ADGRL3: variants seen among roughly 807,000 people sequenced by gnomAD.
ADGRL3 encodes adhesion G protein-coupled receptor L3, also known as calcium-independent alpha-latrotoxin receptor 3.
ADGRL3 carries 62 observed loss-of-function variants against 153.5 expected under a neutral mutation model. That is an observed-to-expected ratio of 0.40 (90% CI 0.33 to 0.50). The LOEUF is 0.50. Ranked by LOEUF, ADGRL3 falls within the 20% of genes least tolerant of loss-of-function variation. ADGRL3 has a pLI of 0.47. For synonymous variants in ADGRL3, 710 were observed against 672.5 expected, an observed-to-expected ratio of 1.06 and a Z score of -0.86; for missense variants, 1,641 against 1,859.4, an observed-to-expected ratio of 0.88 and a Z score of 2.16.
chr4:61,319,531 C>T (rs538185035), intron 1 of ADGRL3, among the ~76,000 whole-genome samples: 21 of 152,214 alleles, frequency 1.4e-4, no homozygotes, highest in Non-Finnish European at 2.4e-4. Flanking sequence ...TCATGTGTTG[C>T]AGTTGATGAG....
intron 25 of ADGRL3, among the ~76,000 whole-genome samples, chr4:62,046,854 C>G (rs1283893547): frequency 6.6e-6 from 1 of 151,824 alleles, no homozygotes; most frequent in African/African-American, 2.4e-5. Flanking sequence ...GATGAGTGGA[C>G]TACTTGAAAT....
chr4:61,749,233 G>A (rs1176045450), intron 8 of ADGRL3, among the ~76,000 whole-genome samples: 1 of 151,848 alleles, frequency 6.6e-6, no homozygotes, highest in Non-Finnish European at 1.5e-5. Flanking sequence ...AGGATGTGGA[G>A]AAATAGGAAC....
At chr4:61,775,900 TTTATTTATTTA>T (rs2097142827) in intron 8 of ADGRL3, 5 of 252,434 alleles carry the variant, frequency 2.0e-5, no homozygotes, top group Middle Eastern at 1.4e-3. Flanking sequence ...TATTTATTTA[TTTATTTATTTA>T]TTTTTTTGAG....
At chr4:61,851,168 A>T (rs570684724) in intron 9 of ADGRL3, among the ~76,000 whole-genome samples, 4 of 152,252 alleles carry the variant, frequency 2.6e-5, no homozygotes, top group African/African-American at 9.6e-5. Flanking sequence ...AAATATACTG[A>T]TATATCTGAA....
intron 2 of ADGRL3, among the ~76,000 whole-genome samples, chr4:61,461,004 A>C (rs1237291567): frequency 2.0e-5 from 3 of 152,186 alleles, no homozygotes; most frequent in African/African-American, 7.2e-5. Flanking sequence ...TGGGAGGCAG[A>C]GGTTTCAGTG....
chr4:61,945,941 C>T (rs150038464), intron 15 of ADGRL3, among the ~76,000 whole-genome samples: 14 of 152,252 alleles, frequency 9.2e-5, no homozygotes, highest in South Asian at 6.2e-4. Context: ...TGTTCCTATT[C>T]GGCCATCTTG....
At chr4:61,705,451 ATATT>A (rs2095841176) in intron 6 of ADGRL3, among the ~76,000 whole-genome samples, 1 of 148,626 alleles carries the variant, frequency 6.7e-6, no homozygotes, top group Non-Finnish European at 1.5e-5. Flanking sequence ...TGTTACATAT[ATATT>A]TATATATAAG....
intron 1 of ADGRL3, among the ~76,000 whole-genome samples, chr4:61,345,880 T>C (rs937197679): frequency 3.3e-5 from 5 of 152,168 alleles, no homozygotes; most frequent in Admixed American, 2.6e-4. Flanking sequence ...TTGTAGATTT[T>C]TGTCATCTCA....
At chr4:61,233,309 T>A (rs760966679) in intron 1 of ADGRL3, among the ~76,000 whole-genome samples, 1 of 152,210 alleles carries the variant, frequency 6.6e-6, no homozygotes, top group African/African-American at 2.4e-5. Flanking sequence ...CTTTTCTTTT[T>A]TTAAATCTTT....
At chr4:61,344,360 A>G (rs921435612) in intron 1 of ADGRL3, among the ~76,000 whole-genome samples, 3 of 152,162 alleles carry the variant, frequency 2.0e-5, no homozygotes, top group Non-Finnish European at 2.9e-5. Context: ...AGTTAAACAG[A>G]TGCACGCAAG....
intron 8 of ADGRL3, among the ~76,000 whole-genome samples, chr4:61,793,422 AAAAC>A (rs940301583): frequency 2.1e-4 from 32 of 152,196 alleles, no homozygotes; most frequent in East Asian, 7.7e-4. Context: ...GACTCCATCA[AAAAC>A]AAACAAACAA....
intron 25 of ADGRL3, among the ~76,000 whole-genome samples, chr4:62,058,576 T>G (rs1738326250): frequency 6.6e-6 from 1 of 152,058 alleles, no homozygotes; most frequent in African/African-American, 2.4e-5. Context: ...CCAGGAAAAA[T>G]TAGCACATGA....
intron 19 of ADGRL3, among the ~76,000 whole-genome samples, chr4:61,990,537 G>A (rs1425671638): frequency 1.3e-5 from 2 of 151,864 alleles, no homozygotes; most frequent in Non-Finnish European, 2.9e-5. Flanking sequence ...GTTATACTCT[G>A]TTAAATAAAT....
At chr4:61,379,693 T>G (rs987480698) in intron 1 of ADGRL3, among the ~76,000 whole-genome samples, 1 of 152,048 alleles carries the variant, frequency 6.6e-6, no homozygotes, top group Non-Finnish European at 1.5e-5. Flanking sequence ...TAATGTCACT[T>G]GGACTGAAAA....
At chr4:61,494,043 C>T (rs1323982829) in intron 2 of ADGRL3, among the ~76,000 whole-genome samples, 1 of 147,560 alleles carries the variant, frequency 6.8e-6, no homozygotes, top group Non-Finnish European at 1.5e-5. Flanking sequence ...AAGGTTAATT[C>T]TTCTCTATCT....
chr4:61,577,017 A>G (rs2098889276), intron 4 of ADGRL3, among the ~76,000 whole-genome samples: 1 of 152,020 alleles, frequency 6.6e-6, no homozygotes, highest in Non-Finnish European at 1.5e-5. Context: ...AAGTTATTAC[A>G]AGGTCTCTGT....
At position 61,676,732 on chromosome 4, in the gene ADGRL3, G is replaced by C. The variant is rs941155213; in HGVS notation, c.474-94G>C. On this transcript the variant is annotated intron_variant, in intron 5 of 26. Coordinates refer to ENST00000683033, the MANE Select transcript of ADGRL3 (RefSeq NM_001387552.1). ...ATTAAGCAAAACCTTATTCAAATCT[G>C]TATAACAGGAACTAAAATAAAATTA... 1.6e-5 allele frequency: 14 copies of C among 886,322 alleles called. No homozygotes were observed. In the Admixed American group the frequency reaches 1.6e-4, roughly 10 times the overall value. 54.9% of individuals were successfully genotyped at this position (886,322 alleles called of 1,614,324 possible).
Position 61,983,508 on chromosome 4 carries a change from T to C in ADGRL3, c.3141T>C (p.Arg1047=), listed in dbSNP as rs370306781. 3.3e-5 allele frequency: 54 copies of C among 1,613,848 alleles called. No homozygotes were observed. The African/African-American group carries it at 3.7e-4, about 11-fold the overall frequency. The part of the protein sequence containing the change: ...LVEVFESEHS[R]RKYFYLVGYG... ...AGGTTTTTGAGAGTGAACATTCACG[T>C]AGGAAATACTTTTATCTGGTCGGCT... The change falls in exon 19 of 27, where the codon CGT becomes CGC. Residue 1047 remains arginine (R), a synonymous_variant. Transcript: ENST00000683033.
chr4:61,643,842 T>G (rs1269833013), intron 5 of ADGRL3, among the ~76,000 whole-genome samples: 2 of 147,686 alleles, frequency 1.4e-5, no homozygotes, highest in African/African-American at 2.5e-5. Flanking sequence ...TTCTATTGAT[T>G]GGAATAGTTT....
Sources: allele counts gnomAD v4.1 joint callset (sites outside exome capture counted in the v4.1 genomes callset), GRCh38; gene constraint gnomAD v4.1.1; transcripts MANE v1.5; gene names NCBI Gene and HGNC (gene_info 2026-07-23, HGNC 2026-07-21).